The following IKBKB-DT variants were observed in gnomAD, a reference collection of about 807,000 sequenced individuals.
IKBKB-DT encodes IKBKB divergent transcript, also known as IKBKB antisense RNA.
intron 3 of IKBKB-DT, among the ~76,000 whole-genome samples, chr8:42,256,572 CA>C (rs914207754): frequency 4.6e-5 from 7 of 151,420 alleles, no homozygotes; most frequent in African/African-American, 9.7e-5. Flanking sequence ...AACTCCATCT[CA>C]AAAAAAATAA....
At chr8:42,252,530 T>C (rs1328752230) in intron 3 of IKBKB-DT, among the ~76,000 whole-genome samples, 1 of 152,208 alleles carries the variant, frequency 6.6e-6, no homozygotes, top group East Asian at 1.9e-4. Flanking sequence ...CACACCCAGC[T>C]AATTTTTTAA....
intron 3 of IKBKB-DT, among the ~76,000 whole-genome samples, chr8:42,262,154 G>T: frequency 7.5e-6 from 1 of 133,332 alleles, no homozygotes; most frequent in South Asian, 2.8e-4. Flanking sequence ...AGGGGGGAGG[G>T]ATAGCATTGG....
chr8:42,235,138 A>G (rs1221416294), intron 3 of IKBKB-DT, among the ~76,000 whole-genome samples: 1 of 104,436 alleles, frequency 9.6e-6, no homozygotes, highest in African/African-American at 5.2e-5. Flanking sequence ...TTTGATGTCA[A>G]TTTTTTTTCT....
At chr8:42,240,931 C>T (rs181099371) in intron 3 of IKBKB-DT, among the ~76,000 whole-genome samples, 16 of 151,522 alleles carry the variant, frequency 1.1e-4, no homozygotes, top group South Asian at 6.3e-4. Flanking sequence ...GCTGAGATTG[C>T]GCCATTGCAC....
intron 3 of IKBKB-DT, among the ~76,000 whole-genome samples, chr8:42,241,552 G>A (rs1807004279): frequency 6.6e-6 from 1 of 152,192 alleles, no homozygotes; most frequent in South Asian, 2.1e-4. Flanking sequence ...ATCACAGCAA[G>A]AACCAGGAAG....
Position 42,269,387 on chromosome 8 carries a change from A to G in IKBKB-DT, n.603+1264T>C, listed in dbSNP as rs995670165. Among the ~76,000 whole-genome samples the G allele has an allele frequency of 2.9e-5, 4 of 136,626 alleles. No homozygotes were observed. The Admixed American group carries it at 3.0e-4, about 10-fold the overall frequency. The allele number at this position is 136,626 out of a possible 152,430, so 89.6% of individuals were successfully genotyped here. Reference sequence around the variant, plus strand: ...AAGAAAGGAAAGGAAAGGAAGAAAGAAAGGAAAGAAAAAAAAGAAAGCTAG... The same window carrying G: ...AAGAAAGGAAAGGAAAGGAAGAAAGGAAGGAAAGAAAAAAAAGAAAGCTAG... On this transcript the variant is annotated intron_variant and non_coding_transcript_variant, in intron 1 of 3. Transcript: ENST00000518213.
At chr8:42,265,409 T>C (rs1398869203) in intron 2 of IKBKB-DT, among the ~76,000 whole-genome samples, 1 of 152,176 alleles carries the variant, frequency 6.6e-6, no homozygotes, top group Non-Finnish European at 1.5e-5. Flanking sequence ...TCTCCTACTG[T>C]GATCTGGCCT....
intron 1 of IKBKB-DT, among the ~76,000 whole-genome samples, chr8:42,268,129 AT>A (rs541093630): frequency 0.052 from 6,817 of 130,344 alleles, 401 homozygotes; most frequent in African/African-American, 0.13. Context: ...GTGCTCAATA[AT>A]TTTTTTTTTT....
intron 3 of IKBKB-DT, among the ~76,000 whole-genome samples, chr8:42,257,199 T>C (rs1023224895): frequency 6.6e-6 from 1 of 152,200 alleles, no homozygotes; most frequent in Admixed American, 6.5e-5. Context: ...TTAACAAGTT[T>C]GTTTTTATAA....
intron 3 of IKBKB-DT, among the ~76,000 whole-genome samples, chr8:42,241,222 A>ATTTTTTT (rs1563274607): frequency 7.5e-5 from 5 of 66,604 alleles, no homozygotes; most frequent in Admixed American, 2.0e-4. Flanking sequence ...ATATGTTGGA[A>ATTTTTTT]TCTTTTTTTT....
intron 3 of IKBKB-DT, among the ~76,000 whole-genome samples, chr8:42,252,500 G>C (rs1373114915): frequency 6.6e-6 from 1 of 152,082 alleles, no homozygotes; most frequent in African/African-American, 2.4e-5. Context: ...CTAATAGCTG[G>C]GACTACCGGT....
intron 3 of IKBKB-DT, among the ~76,000 whole-genome samples, chr8:42,262,069 C>T (rs1807296159): frequency 6.8e-6 from 1 of 147,442 alleles, no homozygotes; most frequent in South Asian, 2.1e-4. Context: ...CACATTTCAC[C>T]AGAGTCACTG....
At chr8:42,264,141 A>G (rs993538447) in intron 2 of IKBKB-DT, among the ~76,000 whole-genome samples, 42 of 150,608 alleles carry the variant, frequency 2.8e-4, no homozygotes, top group Non-Finnish European at 5.6e-4. Flanking sequence ...TTAAGTATAC[A>G]TAGATAATTA....
At chr8:42,264,803 C>T (rs1168494440) in intron 2 of IKBKB-DT, among the ~76,000 whole-genome samples, 1 of 151,726 alleles carries the variant, frequency 6.6e-6, no homozygotes, top group Non-Finnish European at 1.5e-5. Flanking sequence ...AGGTGATCCA[C>T]CTGTCTCAGC....
chr8:42,243,481 C>T (rs1807028602), intron 3 of IKBKB-DT, among the ~76,000 whole-genome samples: 1 of 152,038 alleles, frequency 6.6e-6, no homozygotes, highest in South Asian at 2.1e-4. Context: ...TTCTCAGAAC[C>T]CCAGAACATC....
intron 3 of IKBKB-DT, among the ~76,000 whole-genome samples, chr8:42,246,500 A>G (rs938976251): frequency 2.0e-5 from 3 of 152,212 alleles, no homozygotes; most frequent in African/African-American, 7.2e-5. Flanking sequence ...TGGGAAAGAT[A>G]TGTGTAATAA....
At chr8:42,260,239 G>C (rs1230236477) in intron 3 of IKBKB-DT, among the ~76,000 whole-genome samples, 1 of 152,258 alleles carries the variant, frequency 6.6e-6, no homozygotes, top group Non-Finnish European at 1.5e-5. Context: ...AGTTTCAAGC[G>C]ATGGAGACAT....
At chr8:42,262,348 G>C in intron 3 of IKBKB-DT, among the ~76,000 whole-genome samples, 1 of 148,692 alleles carries the variant, frequency 6.7e-6, no homozygotes, top group Non-Finnish European at 1.5e-5. Context: ...AAAAGAAATA[G>C]AAGGCACAAA....
chr8:42,255,752 A>G (rs751801709), intron 3 of IKBKB-DT, among the ~76,000 whole-genome samples: 37 of 152,166 alleles, frequency 2.4e-4, no homozygotes, highest in Non-Finnish European at 4.3e-4. Flanking sequence ...AGTGCCAAGC[A>G]TGGTGGCTCA....
Sources: gnomAD v4.1 joint callset for allele counts (sites outside exome capture counted in the v4.1 genomes callset) on GRCh38, gnomAD v4.1.1 for gene constraint, MANE v1.5 for transcripts, NCBI Gene and HGNC (gene_info 2026-07-23, HGNC 2026-07-21) for gene names.